Variants in KCNC2 observed in about 807,000 individuals in gnomAD.
KCNC2 encodes voltage-gated potassium channel KCNC2.
Under a neutral mutation model 44.5 loss-of-function variants are expected in KCNC2, and 21 were observed. That is an observed-to-expected ratio of 0.47 (90% CI 0.33 to 0.68). The LOEUF (loss-of-function observed/expected upper bound fraction) is 0.68. Among genes scored for constraint, KCNC2 ranks in the 30% least tolerant of loss-of-function variants. The probability of loss-of-function intolerance (pLI) is 0.01; values close to 1 mark genes in which losing one functional copy is unlikely to be tolerated. For synonymous variants in KCNC2, 391 were observed against 339.1 expected, an observed-to-expected ratio of 1.15 and a Z score of -1.68; for missense variants, 589 against 826.2, an observed-to-expected ratio of 0.71 and a Z score of 3.52.
chr12:75,163,753 TA>T (rs547999603), intron 2 of KCNC2, among the ~76,000 whole-genome samples: 122 of 151,860 alleles, frequency 8.0e-4, no homozygotes, highest in African/African-American at 2.5e-3. Flanking sequence ...ATAGATTATG[TA>T]AAAGAGAAGA....
intron 4 of KCNC2, among the ~76,000 whole-genome samples, chr12:75,044,026 G>A (rs544568469): frequency 1.3e-4 from 19 of 151,744 alleles, no homozygotes; most frequent in African/African-American, 3.9e-4. Context: ...TGATAGCTAC[G>A]AACTTACAAA....
intron 2 of KCNC2, among the ~76,000 whole-genome samples, chr12:75,109,365 G>A (rs1472051146): frequency 2.0e-5 from 3 of 152,156 alleles, no homozygotes; most frequent in Admixed American, 6.5e-5. Context: ...CTTGATGGCA[G>A]TCCAGAAACA....
chr12:75,138,962 C>A (rs1592950164), intron 2 of KCNC2, among the ~76,000 whole-genome samples: 1 of 106,816 alleles, frequency 9.4e-6, no homozygotes. Flanking sequence ...GCCTGGGCCA[C>A]AGAGCGAGAC....
Position 75,051,234 on chromosome 12 carries a change from A to C in KCNC2, c.771T>G (p.Val257=). ...TGATGACTGGTTCTGTCTTGTTTTT[A>C]ACAATATTGAAAGCTTCATGTGTTT... The part of the protein sequence containing the change: ...CLETHEAFNI[V]KNKTEPVING... The change falls in exon 3 of 5, where the codon GTT becomes GTG. Residue 257 remains valine, a synonymous_variant. Transcript: ENST00000549446. 1.2e-6 allele frequency: 2 copies of C among 1,610,960 alleles called. No homozygotes were observed. Among genetic ancestry groups the C allele is most frequent in the Non-Finnish European group, 1.7e-6 (2 of 1,177,462 alleles).
Position 75,055,793 on chromosome 12 carries a change from G to A in KCNC2, c.688-4476C>T, listed in dbSNP as rs762535601. Among the ~76,000 whole-genome samples the A allele has an allele frequency of 4.6e-5, 7 of 152,052 alleles. No individual in the cohort carries two copies. The South Asian group carries it at 8.3e-4, about 18-fold the overall frequency. ...CTTCATAGTCCAGGATCTCCATGGAGGGTCTCATGTCAATTTACCTCAATG... is the reference window on the plus strand; with the variant it reads ...CTTCATAGTCCAGGATCTCCATGGAAGGTCTCATGTCAATTTACCTCAATG... On this transcript the variant is annotated intron_variant, in intron 2 of 4. Coordinates refer to ENST00000549446, the MANE Select transcript of KCNC2 (RefSeq NM_139137.4).
Position 75,040,968 on chromosome 12 carries a change from G to T in KCNC2, c.*2137C>A. 1.5e-6 allele frequency: 1 copy of T among 668,568 alleles called. No homozygotes were observed. The highest frequency in any genetic ancestry group is 1.8e-5 in the South Asian group (1 of 56,958). The allele number at this position is 668,568 out of a possible 1,614,324, so 41.4% of individuals were successfully genotyped here. A position where few individuals can be genotyped will look rare whatever the true frequency, so the allele number is the denominator to read the frequency against. Reference sequence around the variant, plus strand: ...TGTTGGTATTTACAGTTGTTTCATGGACACTGGCCAGTCTACAAGCAGAGC... The same window carrying T: ...TGTTGGTATTTACAGTTGTTTCATGTACACTGGCCAGTCTACAAGCAGAGC... On this transcript the variant is annotated 3_prime_UTR_variant, in exon 5 of 5. Transcript: ENST00000549446.
intron 2 of KCNC2, among the ~76,000 whole-genome samples, chr12:75,156,490 G>A (rs73355643): frequency 0.025 from 3,786 of 151,752 alleles, 172 homozygotes; most frequent in African/African-American, 0.085. Context: ...AATGTTTATT[G>A]TCTGGCCCAT....
intron 2 of KCNC2, among the ~76,000 whole-genome samples, chr12:75,114,482 G>A (rs951793294): frequency 1.3e-5 from 2 of 152,154 alleles, no homozygotes; most frequent in African/African-American, 4.8e-5. Context: ...AATGGACTAC[G>A]TCTTGGCCTC....
chr12:75,110,011 A>G (rs1887101075), intron 2 of KCNC2, among the ~76,000 whole-genome samples: 1 of 152,152 alleles, frequency 6.6e-6, no homozygotes, highest in Admixed American at 6.5e-5. Context: ...AATATAAAAA[A>G]ATCATGGGAG....
At chr12:75,052,831 A>T (rs1881324999) in intron 2 of KCNC2, among the ~76,000 whole-genome samples, 1 of 152,122 alleles carries the variant, frequency 6.6e-6, no homozygotes, top group Admixed American at 6.6e-5. Flanking sequence ...ACCTCAAATT[A>T]TGGAACTTCT....
intron 2 of KCNC2, among the ~76,000 whole-genome samples, chr12:75,194,900 G>A (rs1167942797): frequency 6.6e-6 from 1 of 152,108 alleles, no homozygotes; most frequent in Non-Finnish European, 1.5e-5. Flanking sequence ...CCTTGTTTCT[G>A]AAGTCACCAT....
rs1880043770 is a variant in KCNC2 at position 75,042,642 on chromosome 12, A to AG, written c.*462_*463insC. ...AACTCTGCAACATTGCTTTCAGGTG[A>AG]TAGAGACAAGATGGTCCATGCAAAT... is the stretch of plus-strand genomic sequence containing the variant. On this transcript the variant is annotated 3_prime_UTR_variant, in exon 5 of 5. Transcript: ENST00000549446. 1.6e-6 allele frequency: 2 copies of AG among 1,239,868 alleles called. No individual in the cohort carries two copies. The highest frequency in any genetic ancestry group is 7.4e-5 in the East Asian group (2 of 26,862). 76.8% of individuals were successfully genotyped at this position (1,239,868 alleles called of 1,614,324 possible). A position where few individuals can be genotyped will look rare whatever the true frequency, so the allele number is the denominator to read the frequency against.
intron 2 of KCNC2, among the ~76,000 whole-genome samples, chr12:75,067,933 T>C (rs1329376391): frequency 6.6e-6 from 1 of 152,180 alleles, no homozygotes; most frequent in Non-Finnish European, 1.5e-5. Flanking sequence ...GAAGTCCCCT[T>C]ATAAAACTTT....
At chr12:75,058,129 C>T (rs979449750) in intron 2 of KCNC2, among the ~76,000 whole-genome samples, 2 of 151,850 alleles carry the variant, frequency 1.3e-5, no homozygotes, top group African/African-American at 4.8e-5. Context: ...ATTTTGCTTT[C>T]TTAAGTATCA....
intron 2 of KCNC2, among the ~76,000 whole-genome samples, chr12:75,062,972 G>A (rs930914290): frequency 2.0e-5 from 3 of 152,058 alleles, no homozygotes; most frequent in African/African-American, 4.8e-5. Context: ...TTTAAAATAT[G>A]TGCTGAAAGC....
At chr12:75,053,288 C>T (rs964652552) in intron 2 of KCNC2, among the ~76,000 whole-genome samples, 1 of 151,886 alleles carries the variant, frequency 6.6e-6, no homozygotes, top group Non-Finnish European at 1.5e-5. Flanking sequence ...CACTCTTCAC[C>T]ATCCCTACTT....
At chr12:75,105,473 G>A (rs564509434) in intron 2 of KCNC2, among the ~76,000 whole-genome samples, 1 of 152,186 alleles carries the variant, frequency 6.6e-6, no homozygotes, top group South Asian at 2.1e-4. Flanking sequence ...TCAGGTGAAG[G>A]ATGTGTTTGT....
intron 4 of KCNC2, chr12:75,044,611 T>A (rs1193062019): frequency 6.6e-6 from 1 of 151,888 alleles, no homozygotes. Flanking sequence ...CAGACATAGG[T>A]ATGGATCGCA....
chr12:75,048,427 A>T (rs1880789652), intron 3 of KCNC2, 110 bp from the exon 4 acceptor site: 1 of 749,112 alleles, frequency 1.3e-6, no homozygotes, highest in Admixed American at 3.8e-5. Flanking sequence ...TACAACACAC[A>T]AGAATCACAT....
Sources: gnomAD v4.1 joint callset for allele counts (sites outside exome capture counted in the v4.1 genomes callset) on GRCh38, gnomAD v4.1.1 for gene constraint, MANE v1.5 for transcripts, NCBI Gene and HGNC (gene_info 2026-07-23, HGNC 2026-07-21) for gene names.